CAPRIN2: variants seen among roughly 807,000 people sequenced by gnomAD.
CAPRIN2 encodes caprin family member 2, also known as caprin-2.
CAPRIN2 carries 66 observed loss-of-function variants against 130.4 expected under a neutral mutation model. That is an observed-to-expected ratio of 0.51 (90% CI 0.42 to 0.62). The LOEUF is 0.62. Ranked by LOEUF, CAPRIN2 falls within the 20% of genes least tolerant of loss-of-function variation. The probability of loss-of-function intolerance (pLI) is 0.00; values close to 1 mark genes in which losing one functional copy is unlikely to be tolerated. For missense variants in CAPRIN2, 1,185 were observed against 1,246.6 expected, an observed-to-expected ratio of 0.95 and a Z score of 0.74; for synonymous variants, 471 against 444.1, an observed-to-expected ratio of 1.06 and a Z score of -0.76.
chr12:30,719,177 G>C (rs927874196), intron 12 of CAPRIN2: 8 of 1,614,084 alleles, frequency 5.0e-6, no homozygotes, highest in Non-Finnish European at 6.8e-6. Flanking sequence ...GCCATGGGAG[G>C]ATTTGGAGAA....
At chr12:30,728,449 G>A in intron 8 of CAPRIN2, 199 bp downstream of exon 9, 2 of 522,244 alleles carry the variant, frequency 3.8e-6, no homozygotes, top group Non-Finnish European at 6.7e-6. Context: ...CAGCTACTCA[G>A]GAGGCTGAGG....
rs917918312 is a variant in CAPRIN2 at position 30,710,961 on chromosome 12, C to A, written c.2666-491G>T. Among the ~76,000 whole-genome samples, 3 of 151,970 alleles carry A rather than the reference C, an allele frequency of 2.0e-5. No homozygotes were observed. The highest frequency in any genetic ancestry group is 2.9e-5 in the Non-Finnish European group (2 of 67,976). ...TGATGATGAATGCTTTTTTTATTTC[C>A]AAGTCATACACTTGTAATGTTTTAA... On this transcript the variant is annotated intron_variant, in intron 16 of 16. Transcript: ENST00000298892. This position sits in a 1 kb window ranked among gnomAD's most constrained non-coding sequence, Gnocchi z 4.8.
At chr12:30,748,819 A>C (rs1188384710) in intron 2 of CAPRIN2, among the ~76,000 whole-genome samples, 4 of 152,196 alleles carry the variant, frequency 2.6e-5, no homozygotes, top group African/African-American at 9.6e-5. Flanking sequence ...TATATGTAAT[A>C]AATATTTTAT....
intron 4 of CAPRIN2, 56 bp from the exon 6 acceptor site, chr12:30,733,767 A>T: frequency 8.7e-7 from 1 of 1,145,390 alleles, no homozygotes; most frequent in Non-Finnish European, 1.3e-6. Flanking sequence ...ATATATATGG[A>T]GCAGCACAAT....
chr12:30,750,380 T>G (rs766855533), intron 2 of CAPRIN2, among the ~76,000 whole-genome samples: 1 of 152,180 alleles, frequency 6.6e-6, no homozygotes, highest in Non-Finnish European at 1.5e-5. Flanking sequence ...GGAGACATGA[T>G]CAAGTCAAAA....
chr12:30,735,074 C>CT lies in CAPRIN2; in HGVS notation c.702dup (p.Asp235ArgfsTer18), dbSNP rs1259685521. 2 of 1,614,004 alleles carry CT rather than the reference C, an allele frequency of 1.2e-6. No individual in the cohort carries two copies. The highest frequency in any genetic ancestry group is 8.5e-7 in the Non-Finnish European group (1 of 1,179,988). On this transcript the variant is annotated frameshift_variant, in exon 4 of 17. Coordinates refer to ENST00000298892, the Ensembl canonical transcript of CAPRIN2. LOFTEE classifies it high-confidence loss of function. The stretch of plus-strand genomic sequence containing the variant: ...GCACCATTCAAACCCCCTTTGAAGT[C>CT]TTTTTGTACGTGCTCCTGTGTCAAG...
At chr12:30,751,006 A>AT (rs1368504028) in intron 2 of CAPRIN2, 65 bp downstream of exon 3, 1 of 1,173,204 alleles carries the variant, frequency 8.5e-7, no homozygotes, top group Non-Finnish European at 1.3e-6. Flanking sequence ...ATCGCACTAA[A>AT]TCCATGTAGT....
chr12:30,721,035 GCTAAACA>G, intron 11 of CAPRIN2, 120 bp from the exon 13 acceptor site: 1 of 678,450 alleles, frequency 1.5e-6, no homozygotes, highest in Non-Finnish European at 2.7e-6. Flanking sequence ...CAAGCACTCT[GCTAAACA>G]CTTTATACGT....
chr12:30,751,573 G>A, intron 1 of CAPRIN2: 1 of 191,438 alleles, frequency 5.2e-6, no homozygotes, highest in African/African-American at 2.3e-5. Flanking sequence ...CTTGTGGTTA[G>A]AGGCCAGGGA....
chr12:30,710,486 C>T lies in CAPRIN2; in HGVS notation c.2666-16G>A, dbSNP rs200624700. The T allele has an allele frequency of 1.9e-6, 3 of 1,613,550 alleles. No individual in the cohort carries two copies. The highest frequency in any genetic ancestry group is 2.5e-6 in the Non-Finnish European group (3 of 1,179,814). On this transcript the variant is annotated splice_polypyrimidine_tract_variant and intron_variant, in intron 16 of 16. Coordinates refer to ENST00000298892, the Ensembl canonical transcript of CAPRIN2. This position sits in a 1 kb window ranked among gnomAD's most constrained non-coding sequence, Gnocchi z 4.8. ...CTCCACCCTGCTGTTTTATTAGCAACAGTGAGTTTCTCATAATGAAGCAGT... is the reference window on the plus strand; with the variant it reads ...CTCCACCCTGCTGTTTTATTAGCAATAGTGAGTTTCTCATAATGAAGCAGT...
At chr12:30,735,447 T>C (rs1043292763) in intron 3 of CAPRIN2, among the ~76,000 whole-genome samples, 11 of 152,232 alleles carry the variant, frequency 7.2e-5, no homozygotes, top group Admixed American at 6.5e-4. Context: ...AGGATATGTC[T>C]AGAACCGCTA....
intron 6 of CAPRIN2, among the ~76,000 whole-genome samples, chr12:30,730,736 A>G (rs559190118): frequency 2.1e-4 from 32 of 152,256 alleles, no homozygotes; most frequent in African/African-American, 7.0e-4. Flanking sequence ...TAGTATTAAG[A>G]ACTAAGGGGA....
chr12:30,728,554 CAA>C (rs11406794), intron 8 of CAPRIN2, 92 bp downstream of exon 9: 8,516 of 790,648 alleles, frequency 0.011, no homozygotes, highest in South Asian at 0.019. Context: ...TTCTCCATCT[CAA>C]AAAAAAAAAA....
chr12:30,751,854 T>TG (rs1173905509), intron 1 of CAPRIN2, among the ~76,000 whole-genome samples: 1 of 151,652 alleles, frequency 6.6e-6, no homozygotes, highest in Non-Finnish European at 1.5e-5. Flanking sequence ...AAGGAAATTA[T>TG]GAAAAATAAA....
chr12:30,743,947 T>A (rs1222215935), intron 2 of CAPRIN2, among the ~76,000 whole-genome samples: 1 of 152,158 alleles, frequency 6.6e-6, no homozygotes, highest in Non-Finnish European at 1.5e-5. Flanking sequence ...AAACAGCTGG[T>A]ACCAGACACT....
At chr12:30,741,220 T>C (rs1230981158) in intron 2 of CAPRIN2, 114 bp from the exon 4 acceptor site, 1 of 500,642 alleles carries the variant, frequency 2.0e-6, no homozygotes, top group African/African-American at 2.0e-5. Flanking sequence ...CTATTTACTA[T>C]ACATACACAA....
chr12:30,710,761 G>GTCTGAACACTTTTTACTTCA lies in CAPRIN2; in HGVS notation c.2666-311_2666-292dup, dbSNP rs571804016. ...TAACTTAGCAAAGTCTAAAACTCAGGTCTGAACACTTTTTACTTCATCTTC... is the reference window on the plus strand; with the variant it reads ...TAACTTAGCAAAGTCTAAAACTCAGGTCTGAACACTTTTTACTTCATCTGAACACTTTTTACTTCATCTTC... On this transcript the variant is annotated intron_variant, in intron 16 of 16. Coordinates refer to ENST00000298892, the Ensembl canonical transcript of CAPRIN2. This position sits in a 1 kb window ranked among gnomAD's most constrained non-coding sequence, Gnocchi z 4.8. 3.4e-4 allele frequency among the ~76,000 whole-genome samples: 52 copies of GTCTGAACACTTTTTACTTCA among 152,236 alleles called. 1 individual carries two copies. In the South Asian group the frequency reaches 0.01, roughly 30 times the overall value.
chr12:30,750,088 G>C (rs1565714390), intron 2 of CAPRIN2, among the ~76,000 whole-genome samples: 1 of 152,166 alleles, frequency 6.6e-6, no homozygotes, highest in East Asian at 1.9e-4. Flanking sequence ...TTAAAACAAA[G>C]CTATGCTGAA....
chr12:30,720,696 C>T, intron 12 of CAPRIN2, 115 bp downstream of exon 13: 1 of 657,226 alleles, frequency 1.5e-6, no homozygotes, highest in Non-Finnish European at 2.7e-6. Flanking sequence ...GAAAGCAATA[C>T]ATTAATAAAG....
Sources: gnomAD v4.1 joint callset for allele counts (sites outside exome capture counted in the v4.1 genomes callset) on GRCh38, gnomAD v4.1.1 for gene constraint, Gnocchi (gnomAD v3.1) non-coding constraint, MANE v1.5 for transcripts, NCBI Gene and HGNC (gene_info 2026-07-23, HGNC 2026-07-21) for gene names.